Variants in WDR19 observed in about 807,000 individuals in gnomAD.
WDR19 encodes the protein WD repeat-containing protein 19.
WDR19 carries 121 observed loss-of-function variants against 180.0 expected under a neutral mutation model. That is an observed-to-expected ratio of 0.67 (90% CI 0.58 to 0.78). WDR19 has a LOEUF of 0.78. Ranked by LOEUF, WDR19 falls within the 30% of genes least tolerant of loss-of-function variation. The pLI is 0.00. For missense variants in WDR19, 1,450 were observed against 1,640.7 expected, an observed-to-expected ratio of 0.88 and a Z score of 2.01; for synonymous variants, 497 against 540.7, an observed-to-expected ratio of 0.92 and a Z score of 1.12.
chr4:39,280,979 A>C (rs2109534835), intron 36 of WDR19, among the ~76,000 whole-genome samples: 1 of 152,204 alleles, frequency 6.6e-6, no homozygotes, highest in African/African-American at 2.4e-5. Flanking sequence ...CTGAAAAGAC[A>C]AATTTTCCTC....
Position 39,205,179 on chromosome 4 carries a change from C to T in WDR19, c.629C>T (p.Thr210Ile). 1.3e-6 allele frequency: 2 copies of T among 1,595,150 alleles called. No homozygotes were observed. The highest frequency in any genetic ancestry group is 8.5e-7 in the Non-Finnish European group (1 of 1,170,164). Residue 210 changes from threonine (T) to isoleucine (I), a missense_variant, in exon 8 of 37, where the codon ACT becomes ATT. Thr to Ile is a moderately conservative substitution (Grantham distance 89). Coordinates refer to ENST00000399820, the MANE Select transcript of WDR19 (RefSeq NM_025132.4). ...ATAAGTGTGGTGCTTGGCAAGAAAA[C>T]TTTGTTTTTTTTAAATCTGAATGAA... Reference protein sequence around the residue: ...SMISVVLGKKTLFFLNLNEPD... With the variant: ...SMISVVLGKKILFFLNLNEPD...
At chr4:39,278,426 G>A in intron 35 of WDR19, 113 bp from the exon 36 acceptor site, 3 of 840,606 alleles carry the variant, frequency 3.6e-6, no homozygotes. Flanking sequence ...ATTGCATGGT[G>A]GACATGTGTT....
intron 36 of WDR19, among the ~76,000 whole-genome samples, chr4:39,283,349 CTG>C (rs1461432945): frequency 1.3e-5 from 2 of 151,178 alleles, no homozygotes; most frequent in Non-Finnish European, 2.9e-5. Context: ...AATATTGTGT[CTG>C]TGTTCATGGG....
intron 21 of WDR19, among the ~76,000 whole-genome samples, 179 bp downstream of exon 21, chr4:39,240,513 T>C (rs1177731675): frequency 6.6e-6 from 1 of 152,216 alleles, no homozygotes; most frequent in Admixed American, 6.5e-5. Context: ...TTCAAGCTCT[T>C]AAAATCTGAT....
rs187952018 is a variant in WDR19, at chr4:39,233,116, A to G, written c.2253+844A>G. ...ATGAGATAGGATTGGTTTTTTCTCTATTTTCCAGATGGGAAAACCGAGGCA... is the reference window on the plus strand; with the variant it reads ...ATGAGATAGGATTGGTTTTTTCTCTGTTTTCCAGATGGGAAAACCGAGGCA... On this transcript the variant is annotated intron_variant, in intron 19 of 36. Coordinates refer to ENST00000399820, the MANE Select transcript of WDR19 (RefSeq NM_025132.4). Among the ~76,000 whole-genome samples, 360 of 152,022 alleles carry G rather than the reference A, an allele frequency of 2.4e-3. 2 individuals carry two copies. The highest frequency in any genetic ancestry group is 4.2e-3 in the Non-Finnish European group (288 of 67,956).
chr4:39,262,652 C>G (rs1734405977), intron 28 of WDR19, among the ~76,000 whole-genome samples: 1 of 152,156 alleles, frequency 6.6e-6, no homozygotes, highest in African/African-American at 2.4e-5. Flanking sequence ...TCTCATACCC[C>G]TACCCAATAA....
chr4:39,193,972 A>G (rs1425114131), intron 4 of WDR19, among the ~76,000 whole-genome samples: 4 of 152,264 alleles, frequency 2.6e-5, no homozygotes, highest in Non-Finnish European at 5.9e-5. Flanking sequence ...GTACTCTCCA[A>G]GAAGTTCTGC....
chr4:39,280,126 T>G (rs1433359386), intron 36 of WDR19, among the ~76,000 whole-genome samples: 6 of 108,724 alleles, frequency 5.5e-5, no homozygotes, highest in South Asian at 3.9e-4. Context: ...CTTGTTTTTT[T>G]TTTTTTTTTT....
chr4:39,233,300 C>T (rs1731066066), intron 19 of WDR19, among the ~76,000 whole-genome samples: 2 of 152,114 alleles, frequency 1.3e-5, no homozygotes, highest in African/African-American at 2.4e-5. Flanking sequence ...GGAAACCTGG[C>T]AATATAGACT....
chr4:39,256,532 G>A (rs1168513729), intron 27 of WDR19, among the ~76,000 whole-genome samples: 1 of 152,138 alleles, frequency 6.6e-6, no homozygotes, highest in African/African-American at 2.4e-5. Flanking sequence ...ATTTTTTCAA[G>A]AGAAACGGAA....
At chr4:39,206,018 T>C (rs1272842698) in intron 9 of WDR19, 8 of 243,960 alleles carry the variant, frequency 3.3e-5, no homozygotes, top group Non-Finnish European at 5.5e-5. Context: ...ACAGAATGCA[T>C]GGAGCAGATA....
chr4:39,266,661 T>C (rs569508023), intron 29 of WDR19, among the ~76,000 whole-genome samples: 1 of 152,380 alleles, frequency 6.6e-6, no homozygotes, highest in Admixed American at 6.5e-5. Flanking sequence ...TGAAAAAAGA[T>C]CACTGATGTT....
Position 39,214,587 on chromosome 4 carries a change from T to C in WDR19, c.891-14T>C. 6.9e-7 allele frequency: 1 copy of C among 1,453,896 alleles called. No individual in the cohort carries two copies. The highest frequency in any genetic ancestry group is 1.4e-5 in the African/African-American group (1 of 70,590). The allele number at this position is 1,453,896 out of a possible 1,614,324, so 90.1% of individuals were successfully genotyped here. A position where few individuals can be genotyped will look rare whatever the true frequency, so the allele number is the denominator to read the frequency against. On this transcript the variant is annotated splice_polypyrimidine_tract_variant and intron_variant, in intron 9 of 36. Coordinates refer to ENST00000399820, the MANE Select transcript of WDR19 (RefSeq NM_025132.4). ...ATCATATATATTTTTTAATAATGCA[T>C]TTTTGTTTTTCAGCATTAAAATCCA...
chr4:39,273,126 C>T lies in WDR19; in HGVS notation c.3565+65C>T, dbSNP rs561396432. 971 of 1,315,816 alleles carry T rather than the reference C, an allele frequency of 7.4e-4. 3 individuals are homozygous for T. The highest frequency in any genetic ancestry group is 3.0e-3 in the Middle Eastern group (15 of 5,042). 81.5% of individuals were successfully genotyped at this position (1,315,816 alleles called of 1,614,324 possible). On this transcript the variant is annotated intron_variant, in intron 32 of 36. Coordinates refer to ENST00000399820, the MANE Select transcript of WDR19 (RefSeq NM_025132.4). ...CCCCATGCCGCATGCTAGCCCAGCG[C>T]CCCTTTTGCAGGCTCCCCTCATACA...
rs985595337 is a variant in WDR19 at position 39,244,660 on chromosome 4, C to G, written c.2645+108C>G. On this transcript the variant is annotated intron_variant, in intron 23 of 36. Transcript: ENST00000399820. ...GCTTTCTCTCTGTCCATTCTGTTCC[C>G]CTATCTAGACCTACCCTTCATCTCT... The G allele has an allele frequency of 7.5e-6, 8 of 1,065,710 alleles. No homozygotes were observed. The African/African-American group carries it at 1.1e-4, about 15-fold the overall frequency. 66.0% of individuals were successfully genotyped at this position (1,065,710 alleles called of 1,614,324 possible).
chr4:39,201,726 AT>A (rs908512642), intron 6 of WDR19, among the ~76,000 whole-genome samples: 47 of 151,964 alleles, frequency 3.1e-4, no homozygotes, highest in African/African-American at 9.9e-4. Flanking sequence ...TAGATAGTGG[AT>A]TTTTTTTCCC....
chr4:39,216,151 T>C lies in WDR19; in HGVS notation c.1190T>C (p.Leu397Pro). The C allele has an allele frequency of 6.3e-7, 1 of 1,595,064 alleles. No individual in the cohort carries two copies. The highest frequency in any genetic ancestry group is 2.3e-5 in the East Asian group (1 of 44,288). Residue 397 changes from leucine (L) to proline (P), a missense_variant, in exon 12 of 37, where the codon CTT becomes CCT. Physicochemically the swap from Leu to Pro is moderately conservative, Grantham distance 98. Coordinates refer to ENST00000399820, the MANE Select transcript of WDR19 (RefSeq NM_025132.4). ...DVEPNFVAVG[L>P]YHLAVGMNNR... Reference sequence around the variant, plus strand: ...GAACCCAACTTTGTGGCAGTAGGTCTTTATCATCTGGCTGTAGGAATGAAT... The same window carrying C: ...GAACCCAACTTTGTGGCAGTAGGTCCTTATCATCTGGCTGTAGGAATGAAT...
chr4:39,266,226 C>A, intron 29 of WDR19, 86 bp downstream of exon 29: 1 of 1,251,218 alleles, frequency 8.0e-7, no homozygotes, highest in Non-Finnish European at 1.1e-6. Flanking sequence ...GCTTTTACAA[C>A]ATAGACATGA....
chr4:39,250,342 T>C (rs1286790096), intron 24 of WDR19, among the ~76,000 whole-genome samples: 1 of 152,198 alleles, frequency 6.6e-6, no homozygotes, highest in East Asian at 1.9e-4. Context: ...ATTTAGGTAT[T>C]GATGAGACGT....
Sources: allele counts gnomAD v4.1 joint callset (sites outside exome capture counted in the v4.1 genomes callset), GRCh38; gene constraint gnomAD v4.1.1; transcripts MANE v1.5; gene names NCBI Gene and HGNC (gene_info 2026-07-23, HGNC 2026-07-21).